The following ALPK1 variants were observed in gnomAD, a reference collection of about 807,000 sequenced individuals.
The protein encoded by ALPK1 is alpha-protein kinase 1.
ALPK1 carries 110 observed loss-of-function variants against 120.6 expected under a neutral mutation model. The ratio of observed to expected loss-of-function variants is 0.91; its 90% confidence interval spans 0.78 to 1.07. The LOEUF (loss-of-function observed/expected upper bound fraction) is 1.07, where lower values mean the gene tolerates loss of function less well. ALPK1 is among the 50% of genes least tolerant of loss of function. The pLI is 0.00. For missense variants in ALPK1, 1,498 were observed against 1,483.9 expected (o/e 1.01, Z -0.16); for synonymous variants, 582 against 560.3 (o/e 1.04, Z -0.55).
chr4:112,418,362 C>T (rs996061738), intron 5 of ALPK1, among the ~76,000 whole-genome samples: 1 of 152,172 alleles, frequency 6.6e-6, no homozygotes, highest in African/African-American at 2.4e-5. Flanking sequence ...AACTGGTCAC[C>T]AGAGGAGCCT....
Position 112,432,514 on chromosome 4 carries a change from T to A in ALPK1, c.2967T>A (p.His989Gln). Residue 989 changes from histidine to glutamine, a missense_variant, in exon 11 of 16, where the codon CAT becomes CAA. Physicochemically the swap from His to Gln is conservative, Grantham distance 24. Coordinates refer to ENST00000650871, the MANE Select transcript of ALPK1 (RefSeq NM_025144.4). ...AAAAGCTGTTGGCAGGAGTGAGGCA[T>A]GATTGGCTGTTTCAGAGACTAGAGA... ...DFEKLLAGVR[H>Q]DWLFQRLENT... 1 of 1,614,100 alleles carries A rather than the reference T, an allele frequency of 6.2e-7. No individual in the cohort carries two copies. Among genetic ancestry groups the A allele is most frequent in the East Asian group, 2.2e-5 (1 of 44,880 alleles).
chr4:112,381,276 T>C (rs1396967943), intron 3 of ALPK1, among the ~76,000 whole-genome samples: 1 of 152,196 alleles, frequency 6.6e-6, no homozygotes, highest in Non-Finnish European at 1.5e-5. Flanking sequence ...AAGTCTAGAC[T>C]GACTCCTGGG....
At chr4:112,343,534 G>C (rs934064813) in intron 2 of ALPK1, 7 of 152,206 alleles carry the variant, frequency 4.6e-5, no homozygotes, top group African/African-American at 1.4e-4. Flanking sequence ...TCAGCTGCAA[G>C]AGAGGGCCAT....
chr4:112,328,568 A>G (rs1188836463), intron 2 of ALPK1, among the ~76,000 whole-genome samples: 1 of 152,246 alleles, frequency 6.6e-6, no homozygotes, highest in East Asian at 1.9e-4. Context: ...TCCTTTATTG[A>G]CATCATTTCA....
intron 14 of ALPK1, 99 bp from the exon 15 acceptor site, chr4:112,440,812 AGTGTGT>A (rs71595596): frequency 6.2e-5 from 83 of 1,328,046 alleles, no homozygotes; most frequent in South Asian, 2.0e-4. Context: ...TATCTCTTTA[AGTGTGT>A]GTGTGTGTGT....
At chr4:112,359,279 G>A in intron 2 of ALPK1, 1 of 493,212 alleles carries the variant, frequency 2.0e-6, no homozygotes, top group South Asian at 2.0e-5. Context: ...GCGCCTACCT[G>A]GAAGATGCCT....
chr4:112,435,431 T>C, intron 12 of ALPK1, 130 bp downstream of exon 12: 1 of 797,748 alleles, frequency 1.3e-6, no homozygotes, highest in Non-Finnish European at 2.0e-6. Context: ...TTTCTACTCC[T>C]TTTTCTTTTC....
At chr4:112,418,469 C>T (rs1733843044) in intron 5 of ALPK1, among the ~76,000 whole-genome samples, 1 of 152,184 alleles carries the variant, frequency 6.6e-6, no homozygotes, top group Non-Finnish European at 1.5e-5. Context: ...ACAGAAGTCA[C>T]CTATGTTGCA....
At position 112,437,808 on chromosome 4, in the gene ALPK1, AT is replaced by A. The variant is rs1367161120; in HGVS notation, c.3189-671del. ...TCTATGACTCAAACAATTCCCCTTG[AT>A]TTTTGGTGGTCACTCTGGGCACATG... On this transcript the variant is annotated intron_variant, in intron 12 of 15. Transcript: ENST00000650871. Among the ~76,000 whole-genome samples, 9 of 152,280 alleles carry A rather than the reference AT, an allele frequency of 5.9e-5. No individual in the cohort carries two copies. In the East Asian group the frequency reaches 1.5e-3, roughly 26 times the overall value.
intron 4 of ALPK1, among the ~76,000 whole-genome samples, chr4:112,403,147 C>T (rs1264560197): frequency 6.6e-6 from 1 of 152,054 alleles, no homozygotes; most frequent in African/African-American, 2.4e-5. Context: ...GCATCCCTTC[C>T]CTACCACACA....
chr4:112,382,813 T>C, intron 4 of ALPK1: 2 of 399,392 alleles, frequency 5.0e-6, no homozygotes, highest in Non-Finnish European at 9.1e-6. Context: ...CTTGAAATAT[T>C]TACATATCCT....
intron 1 of ALPK1, among the ~76,000 whole-genome samples, chr4:112,299,212 C>G (rs1727681390): frequency 6.6e-6 from 1 of 151,934 alleles, no homozygotes; most frequent in South Asian, 2.1e-4. Flanking sequence ...GTGGGATAGA[C>G]AAACTTAAAA....
Position 112,335,262 on chromosome 4 carries a change from T to TAA in ALPK1, c.-101+19428_-101+19429dup, listed in dbSNP as rs577049601. On this transcript the variant is annotated intron_variant, in intron 2 of 15. Coordinates refer to ENST00000650871, the MANE Select transcript of ALPK1 (RefSeq NM_025144.4). Reference sequence around the variant, plus strand: ...TGGGCAACAAGAGTGAAAATCTGTCTAAAAAAAAAAAAAAAAAAAGATACT... The same window carrying TAA: ...TGGGCAACAAGAGTGAAAATCTGTCTAAAAAAAAAAAAAAAAAAAAAGATACT... 1.8e-3 allele frequency among the ~76,000 whole-genome samples: 180 copies of TAA among 102,080 alleles called. 1 individual carries two copies. Among genetic ancestry groups the TAA allele is most frequent in the Middle Eastern group, 6.0e-3 (1 of 168 alleles). The allele number at this position is 102,080 out of a possible 152,430, so 67.0% of individuals were successfully genotyped here.
chr4:112,299,525 A>G (rs1473956817), intron 1 of ALPK1, among the ~76,000 whole-genome samples: 1 of 152,188 alleles, frequency 6.6e-6, no homozygotes, highest in Non-Finnish European at 1.5e-5. Context: ...ATAATATTAC[A>G]GGTAATCTGC....
intron 2 of ALPK1, among the ~76,000 whole-genome samples, chr4:112,348,624 C>T (rs895755937): frequency 2.0e-5 from 3 of 152,162 alleles, no homozygotes; most frequent in Non-Finnish European, 2.9e-5. Context: ...GACATCCAGG[C>T]GGTTCTCCGT....
Position 112,438,586 on chromosome 4 carries a change from G to A in ALPK1, c.3291G>A (p.Lys1097=). The A allele has an allele frequency of 6.2e-7, 1 of 1,613,908 alleles. No individual in the cohort carries two copies. Residue 1097 remains lysine, a synonymous_variant, in exon 13 of 16, where the codon AAG becomes AAA. Transcript: ENST00000650871. ...AGCACTATGTGACAGAATTTAACAA[G>A]AGACTCTATGAACAAAACATTCCCA... ...TAQHYVTEFN[K]RLYEQNIPTQ...
At chr4:112,315,104 A>G (rs1728577402) in intron 1 of ALPK1, among the ~76,000 whole-genome samples, 1 of 150,890 alleles carries the variant, frequency 6.6e-6, no homozygotes, top group Non-Finnish European at 1.5e-5. Flanking sequence ...CTGGTCTTGA[A>G]CTCTTGACCT....
Position 112,430,776 on chromosome 4 carries a change from C to T in ALPK1, c.1229C>T (p.Ser410Phe), listed in dbSNP as rs1170413588. Reference protein sequence around the residue: ...DREALSQEVMSVIAQVKEHLQ... With the variant: ...DREALSQEVMFVIAQVKEHLQ... Reference sequence around the variant, plus strand: ...GAAGCTCTGTCTCAAGAAGTTATGTCTGTGATTGCCCAGGTGAAGGAACAT... The same window carrying T: ...GAAGCTCTGTCTCAAGAAGTTATGTTTGTGATTGCCCAGGTGAAGGAACAT... Residue 410 changes from serine (S) to phenylalanine (F), a missense_variant, in exon 11 of 16, where the codon TCT becomes TTT. Ser to Phe is a radical substitution (Grantham distance 155). Coordinates refer to ENST00000650871, the MANE Select transcript of ALPK1 (RefSeq NM_025144.4). The T allele has an allele frequency of 1.3e-5, 21 of 1,614,202 alleles. No homozygotes were observed. The highest frequency in any genetic ancestry group is 1.8e-5 in the Non-Finnish European group (21 of 1,180,036).
At chr4:112,404,837 A>G (rs900681367) in intron 4 of ALPK1, among the ~76,000 whole-genome samples, 1 of 152,178 alleles carries the variant, frequency 6.6e-6, no homozygotes, top group Non-Finnish European at 1.5e-5. Context: ...ATCCTTTTGA[A>G]GCTTGCTTCT....
Sources: gnomAD v4.1 joint callset for allele counts (sites outside exome capture counted in the v4.1 genomes callset) on GRCh38, gnomAD v4.1.1 for gene constraint, MANE v1.5 for transcripts, NCBI Gene and HGNC (gene_info 2026-07-23, HGNC 2026-07-21) for gene names.